ANK3: variants seen among roughly 807,000 people sequenced by gnomAD.
ANK3 encodes ankyrin 3.
Under a neutral mutation model 370.9 loss-of-function variants are expected in ANK3, and 57 were observed. That is an observed-to-expected ratio of 0.15 (90% CI 0.12 to 0.19). The LOEUF (loss-of-function observed/expected upper bound fraction) is 0.19. ANK3 is among the 10% of genes least tolerant of loss of function. The pLI, the probability that ANK3 is intolerant of heterozygous loss-of-function variation, is 1.00. For synonymous variants in ANK3, 1,929 were observed against 1,946.3 expected (o/e 0.99, Z 0.23); for missense variants, 4,439 against 5,302.1 (o/e 0.84, Z 5.06).
intron 2 of ANK3, among the ~76,000 whole-genome samples, chr10:60,528,335 C>T (rs2076526858): frequency 6.6e-6 from 1 of 151,902 alleles, no homozygotes; most frequent in South Asian, 2.1e-4. Context: ...GGTGTTTCTC[C>T]ATGTTGGCCA....
chr10:60,563,975 TTCTAAG>T (rs1272399224), intron 2 of ANK3, among the ~76,000 whole-genome samples: 2 of 152,140 alleles, frequency 1.3e-5, no homozygotes, highest in Admixed American at 6.5e-5. Context: ...AAAAAGAAAG[TTCTAAG>T]TGCACAATCA....
chr10:60,186,638 C>T (rs774908503), intron 17 of ANK3, 77 bp downstream of exon 17: 1 of 1,412,322 alleles, frequency 7.1e-7, no homozygotes, highest in South Asian at 1.2e-5. Context: ...CTCAGATCTT[C>T]TGTGAATTCT....
intron 1 of ANK3, among the ~76,000 whole-genome samples, chr10:60,718,729 A>G (rs989694750): frequency 1.3e-5 from 2 of 151,992 alleles, no homozygotes; most frequent in Non-Finnish European, 2.9e-5. Flanking sequence ...ACTTAAAAAA[A>G]TTTTTTTTAT....
chr10:60,364,137 T>G (rs2059063425), intron 1 of ANK3, among the ~76,000 whole-genome samples: 1 of 151,632 alleles, frequency 6.6e-6, no homozygotes, highest in Non-Finnish European at 1.5e-5. Context: ...CTACTAAAAA[T>G]ACAAAAATTA....
intron 2 of ANK3, among the ~76,000 whole-genome samples, chr10:60,561,370 A>G (rs988605766): frequency 2.6e-5 from 4 of 152,188 alleles, no homozygotes; most frequent in African/African-American, 9.6e-5. Flanking sequence ...CTGGGTACCA[A>G]GGGGGAAAGT....
At chr10:60,418,090 C>T (rs2063705517) in intron 2 of ANK3, among the ~76,000 whole-genome samples, 1 of 152,126 alleles carries the variant, frequency 6.6e-6, no homozygotes, top group African/African-American at 2.4e-5. Flanking sequence ...TGTCAGAGCC[C>T]TAGTTCTGAC....
intron 25 of ANK3, among the ~76,000 whole-genome samples, chr10:60,115,351 T>C (rs2093010871): frequency 6.6e-6 from 1 of 152,188 alleles, no homozygotes; most frequent in Non-Finnish European, 1.5e-5. Context: ...AAACATTCTG[T>C]GAAGGAATAT....
At chr10:60,688,296 C>T (rs1317300186) in intron 1 of ANK3, among the ~76,000 whole-genome samples, 1 of 151,990 alleles carries the variant, frequency 6.6e-6, no homozygotes, top group African/African-American at 2.4e-5. Flanking sequence ...GAACTCCTGG[C>T]CTCAAGTGAT....
At chr10:60,120,725 A>C (rs2093416545) in intron 25 of ANK3, among the ~76,000 whole-genome samples, 1 of 152,256 alleles carries the variant, frequency 6.6e-6, no homozygotes, top group South Asian at 2.1e-4. Flanking sequence ...AAAAGTCCTC[A>C]ACATCACTGA....
In ANK3 at chr10:60,073,787, A is replaced by C; in HGVS notation, c.7094T>G (p.Leu2365Ter). ...EKEMYVYQKD[L>*]SRGDINLKDF... is the part of the protein sequence containing the mutation. ...TTTTAGGTTAATATCTCCCCGGGAT[A>C]AGTCTTTCTGATATACATACATTTC... Residue 2365 changes from leucine (L) to a stop codon, truncating the protein, a stop_gained, in exon 37 of 44, where the codon TTA becomes TGA. Coordinates refer to ENST00000280772, the MANE Select transcript of ANK3 (RefSeq NM_020987.5). LOFTEE classifies it high-confidence loss of function. 1 of 1,613,720 alleles carries C rather than the reference A, an allele frequency of 6.2e-7. No individual in the cohort carries two copies. The highest frequency in any genetic ancestry group is 8.5e-7 in the Non-Finnish European group (1 of 1,179,980).
At chr10:60,333,127 T>C (rs1037383786) in intron 1 of ANK3, among the ~76,000 whole-genome samples, 1 of 151,974 alleles carries the variant, frequency 6.6e-6, no homozygotes, top group Non-Finnish European at 1.5e-5. Context: ...AGTCTCCAAA[T>C]TTCCATAGTG....
intron 43 of ANK3, among the ~76,000 whole-genome samples, chr10:60,030,206 G>A (rs1441076935): frequency 1.3e-5 from 2 of 152,094 alleles, no homozygotes; most frequent in South Asian, 2.1e-4. Flanking sequence ...GCAGTGGCCC[G>A]AAATTGGCTC....
intron 1 of ANK3, among the ~76,000 whole-genome samples, chr10:60,644,666 C>T (rs941777642): frequency 2.6e-5 from 4 of 152,024 alleles, no homozygotes; most frequent in African/African-American, 9.7e-5. Context: ...CAGCCACACA[C>T]TGATCCTCTT....
intron 1 of ANK3, among the ~76,000 whole-genome samples, chr10:60,660,858 G>T (rs1482860650): frequency 6.6e-6 from 1 of 151,940 alleles, no homozygotes; most frequent in South Asian, 2.1e-4. Context: ...ATCAAGAAGT[G>T]ATCTTGCCTA....
At chr10:60,215,027 T>C (rs184127142) in intron 8 of ANK3, among the ~76,000 whole-genome samples, 37 of 152,340 alleles carry the variant, frequency 2.4e-4, no homozygotes, top group Admixed American at 1.5e-3. Context: ...GCATCTATTG[T>C]TTCCTGACAT....
At chr10:60,621,565 G>A (rs1761163859) in intron 1 of ANK3, among the ~76,000 whole-genome samples, 1 of 152,098 alleles carries the variant, frequency 6.6e-6, no homozygotes, top group African/African-American at 2.4e-5. Context: ...GCAGGTTTGA[G>A]GAGCATAATA....
intron 2 of ANK3, among the ~76,000 whole-genome samples, chr10:60,422,785 C>A (rs945192547): frequency 2.0e-5 from 3 of 152,028 alleles, no homozygotes; most frequent in African/African-American, 7.2e-5. Context: ...TATTAAAAAA[C>A]GTTCTCAGTC....
At chr10:60,429,842 TA>T (rs1347686191) in intron 2 of ANK3, among the ~76,000 whole-genome samples, 1 of 152,224 alleles carries the variant, frequency 6.6e-6, no homozygotes, top group East Asian at 1.9e-4. Flanking sequence ...CAGTATATAT[TA>T]TTCAGTAAGT....
intron 42 of ANK3, among the ~76,000 whole-genome samples, chr10:60,053,395 T>G (rs902435334): frequency 5.3e-5 from 8 of 152,114 alleles, no homozygotes; most frequent in Admixed American, 2.0e-4. Flanking sequence ...ACAACAAACC[T>G]AGAGGTGATT....
Sources: gnomAD v4.1 joint callset for allele counts (sites outside exome capture counted in the v4.1 genomes callset) on GRCh38, gnomAD v4.1.1 for gene constraint, MANE v1.5 for transcripts, NCBI Gene and HGNC (gene_info 2026-07-23, HGNC 2026-07-21) for gene names.